MIB1: variants seen among roughly 807,000 people sequenced by gnomAD.
The protein encoded by MIB1 is E3 ubiquitin-protein ligase MIB1.
Under a neutral mutation model 124.5 loss-of-function variants are expected in MIB1, and 278 were observed. The ratio of observed to expected loss-of-function variants is 2.23; its 90% CI spans 2.02 to 2.47. MIB1 has a LOEUF of 2.47. Ranked by LOEUF, MIB1 falls within the 30% of genes most tolerant of loss-of-function variation. MIB1 has a pLI of 0.00. For synonymous variants in MIB1, 446 were observed against 429.4 expected, an observed-to-expected ratio of 1.04 and a Z score of -0.48; for missense variants, 957 against 1,254.4, an observed-to-expected ratio of 0.76 and a Z score of 3.58.
At chr18:21,764,495 T>C (rs1331089701) in intron 1 of MIB1, among the ~76,000 whole-genome samples, 1 of 152,244 alleles carries the variant, frequency 6.6e-6, no homozygotes, top group Admixed American at 6.5e-5. Flanking sequence ...TACTTGATTT[T>C]TAGAACACGT....
intron 6 of MIB1, among the ~76,000 whole-genome samples, chr18:21,781,361 C>A (rs1163374465): frequency 3.6e-5 from 3 of 83,828 alleles, no homozygotes; most frequent in African/African-American, 1.3e-4. Flanking sequence ...TTGGTCTGTT[C>A]AAGTTATATA....
chr18:21,740,907 C>T lies in MIB1; in HGVS notation c.-677C>T, dbSNP rs2040840751. ...TTGCCGAGGATCCCCCTCCTAGACACTCTGAGAAGGTGCCGCTCCGGCCTT... is the reference window on the plus strand; with the variant it reads ...TTGCCGAGGATCCCCCTCCTAGACATTCTGAGAAGGTGCCGCTCCGGCCTT... On this transcript the variant is annotated 5_prime_UTR_variant, in exon 1 of 21. Coordinates refer to ENST00000261537, the MANE Select transcript of MIB1 (RefSeq NM_020774.4). Among the ~76,000 whole-genome samples, 1 of 152,264 alleles carries T rather than the reference C, an allele frequency of 6.6e-6. No homozygotes were observed. Among genetic ancestry groups the T allele is most frequent in the South Asian group, 2.1e-4 (1 of 4,836 alleles).
In MIB1 at chr18:21,741,484, G is replaced by A. The variant is rs919481219; in HGVS notation, c.-100G>A. On this transcript the variant is annotated 5_prime_UTR_variant, in exon 1 of 21. Coordinates refer to ENST00000261537, the MANE Select transcript of MIB1 (RefSeq NM_020774.4). This position sits in a 1 kb window ranked among gnomAD's most constrained non-coding sequence, Gnocchi z 5.4. Reference sequence around the variant, plus strand: ...CCCGGGGCTCGCTGCCGCCCCCGCCGACGCCTAGAGTCCGGCCCGGGCCCA... The same window carrying A: ...CCCGGGGCTCGCTGCCGCCCCCGCCAACGCCTAGAGTCCGGCCCGGGCCCA... 1.1e-5 allele frequency: 7 copies of A among 660,458 alleles called. No homozygotes were observed. In the African/African-American group the frequency reaches 1.2e-4, roughly 11 times the overall value. 40.9% of individuals were successfully genotyped at this position (660,458 alleles called of 1,614,324 possible). A position where few individuals can be genotyped will look rare whatever the true frequency, so the allele number is the denominator to read the frequency against.
intron 16 of MIB1, among the ~76,000 whole-genome samples, 166 bp from the exon 17 acceptor site, chr18:21,849,030 C>T (rs1262801414): frequency 6.6e-6 from 1 of 152,024 alleles, no homozygotes; most frequent in East Asian, 1.9e-4. Context: ...TGCAGAGACG[C>T]ATATAAACAC....
chr18:21,846,965 C>T lies in MIB1; in HGVS notation c.2233C>T (p.Gln745Ter). Residue 745 changes from glutamine (Q) to a stop codon, truncating the protein, a stop_gained, in exon 16 of 21, where the codon CAG becomes TAG. Transcript: ENST00000261537. LOFTEE classifies it high-confidence loss of function. The part of the protein sequence containing the change: ...KNTLIMGLGT[Q>*]GAEKKSAASI... ...GCAGTTAATAATGGGACTTGGTACC[C>T]AGGGGGCAGAGAAGAAGAGTGCAGC... The T allele has an allele frequency of 4.3e-6, 7 of 1,613,736 alleles. No homozygotes were observed. Among genetic ancestry groups the T allele is most frequent in the Non-Finnish European group, 5.9e-6 (7 of 1,179,860 alleles).
intron 20 of MIB1, among the ~76,000 whole-genome samples, chr18:21,860,162 G>A (rs1240811277): frequency 1.0e-4 from 13 of 124,358 alleles, no homozygotes; most frequent in East Asian, 2.8e-4. Context: ...GTGCAGTGGC[G>A]CAATCTTGGC....
chr18:21,752,258 G>A (rs1471397142), intron 1 of MIB1, among the ~76,000 whole-genome samples: 1 of 152,076 alleles, frequency 6.6e-6, no homozygotes, highest in Non-Finnish European at 1.5e-5. Flanking sequence ...CAGAAGATGT[G>A]ACATTGTCAT....
chr18:21,748,489 G>A (rs1316598885), intron 1 of MIB1, among the ~76,000 whole-genome samples: 3 of 150,170 alleles, frequency 2.0e-5, no homozygotes, highest in Non-Finnish European at 4.4e-5. Flanking sequence ...GAGTGCAGTG[G>A]TGCAGTCTTG....
chr18:21,809,725 A>G (rs947070643), intron 10 of MIB1, among the ~76,000 whole-genome samples: 43 of 152,120 alleles, frequency 2.8e-4, no homozygotes, highest in Admixed American at 2.8e-3. Flanking sequence ...AAAACATTGA[A>G]TAAACTTGGA....
At chr18:21,850,037 A>G (rs2042168102) in intron 17 of MIB1, among the ~76,000 whole-genome samples, 1 of 152,158 alleles carries the variant, frequency 6.6e-6, no homozygotes, top group Non-Finnish European at 1.5e-5. Context: ...GGAGGCAAAT[A>G]AAGTCTTGTC....
At chr18:21,848,430 A>G (rs545319066) in intron 16 of MIB1, among the ~76,000 whole-genome samples, 24 of 152,174 alleles carry the variant, frequency 1.6e-4, no homozygotes, top group Non-Finnish European at 2.8e-4. Flanking sequence ...AGCCTGGGCA[A>G]CAAGAGCAAA....
intron 9 of MIB1, among the ~76,000 whole-genome samples, chr18:21,801,231 C>G (rs2041647687): frequency 6.6e-6 from 1 of 151,870 alleles, no homozygotes; most frequent in Non-Finnish European, 1.5e-5. Flanking sequence ...TTTCCTTTAC[C>G]TTTTCCTTTC....
At chr18:21,854,314 T>A (rs1405654647) in intron 18 of MIB1, among the ~76,000 whole-genome samples, 1 of 152,236 alleles carries the variant, frequency 6.6e-6, no homozygotes, top group Admixed American at 6.5e-5. Context: ...ACCACTCAGC[T>A]CTTTCCCACT....
chr18:21,765,832 G>C lies in MIB1; in HGVS notation c.290G>C (p.Arg97Pro). 1 of 1,614,148 alleles carries C rather than the reference G, an allele frequency of 6.2e-7. No homozygotes were observed. The highest frequency in any genetic ancestry group is 8.5e-7 in the Non-Finnish European group (1 of 1,180,014). Residue 97 changes from arginine (R) to proline (P), a missense_variant, in exon 2 of 21, where the codon CGA becomes CCA. Physicochemically the swap from Arg to Pro is moderately radical, Grantham distance 103. Coordinates refer to ENST00000261537, the MANE Select transcript of MIB1 (RefSeq NM_020774.4). ...CGCCAGCAACCAATCATTGGCATTC[G>C]ATGGAAGTGTGCAGAGTGTACAAAT... ...TCRQQPIIGI[R>P]WKCAECTNYD...
chr18:21,722,936 T>C (rs2040721939), intron 1 of MIB1, among the ~76,000 whole-genome samples: 2 of 152,130 alleles, frequency 1.3e-5, no homozygotes. Context: ...AAAGTAACTA[T>C]TTGGAAGAGA....
Position 21,721,165 on chromosome 18 carries a change from T to G in MIB1, n.167+16042T>G, listed in dbSNP as rs1234814029. Among the ~76,000 whole-genome samples the G allele has an allele frequency of 6.6e-3, 575 of 87,762 alleles. 3 individuals carry two copies. Among genetic ancestry groups the G allele is most frequent in the Non-Finnish European group, 9.7e-3 (459 of 47,092 alleles). The allele number at this position is 87,762 out of a possible 152,430, so 57.6% of individuals were successfully genotyped here. A position where few individuals can be genotyped will look rare whatever the true frequency, so the allele number is the denominator to read the frequency against. On this transcript the variant is annotated intron_variant and non_coding_transcript_variant, in intron 1 of 20. Coordinates refer to the MIB1 transcript ENST00000578646. ...ATTTAAACATTTTAAAGAAGTTTTT[T>G]TTTTTTTTTTTTTTTTTTTTTTTTT...
intron 6 of MIB1, among the ~76,000 whole-genome samples, chr18:21,783,740 A>G (rs1232176488): frequency 2.0e-5 from 3 of 151,452 alleles, no homozygotes; most frequent in African/African-American, 4.9e-5. Context: ...TGTTTTTTAA[A>G]TAAATTTTAT....
chr18:21,795,319 AT>A (rs2041562756), intron 7 of MIB1, among the ~76,000 whole-genome samples: 1 of 142,442 alleles, frequency 7.0e-6, no homozygotes, highest in South Asian at 2.1e-4. Flanking sequence ...TATATTATAT[AT>A]AATATATAAA....
chr18:21,852,145 A>G (rs980911115), intron 17 of MIB1, among the ~76,000 whole-genome samples: 1 of 152,228 alleles, frequency 6.6e-6, no homozygotes, highest in Non-Finnish European at 1.5e-5. Flanking sequence ...GTAGCTCAAC[A>G]ATGTTAGGTA....
Sources: gnomAD v4.1 joint callset for allele counts (sites outside exome capture counted in the v4.1 genomes callset) on GRCh38, gnomAD v4.1.1 for gene constraint, Gnocchi (gnomAD v3.1) non-coding constraint, MANE v1.5 for transcripts, NCBI Gene and HGNC (gene_info 2026-07-23, HGNC 2026-07-21) for gene names.